KSR1: variants seen among roughly 807,000 people sequenced by gnomAD.
The protein encoded by KSR1 is kinase suppressor of ras 1, also known as kinase suppressor of ras.
A neutral mutation model predicts 92.9 loss-of-function variants in KSR1; 35 were observed. That is an observed-to-expected ratio of 0.38 (90% CI 0.29 to 0.50). KSR1 has a LOEUF of 0.50. Among genes scored for constraint, KSR1 ranks in the 20% least tolerant of loss-of-function variants. KSR1 has a pLI of 0.94. For synonymous variants in KSR1, 467 were observed against 472.6 expected (o/e 0.99, Z 0.15); for missense variants, 972 against 1,158.5 (o/e 0.84, Z 2.34).
intron 2 of KSR1, among the ~76,000 whole-genome samples, chr17:27,573,976 G>A (rs111721253): frequency 1.2e-4 from 18 of 152,306 alleles, no homozygotes; most frequent in African/African-American, 4.3e-4. Context: ...ATCCCTATTT[G>A]CATTATAGTT....
rs558637825 is a variant in KSR1, at chr17:27,621,233, C to A, written c.2668C>A (p.His890Asn). ...SRYYGKGRYGHPDFKSSCPIL... is the reference protein window; with the variant it reads ...SRYYGKGRYGNPDFKSSCPIL... ...CTACTATGGAAAAGGACGCTACGGC[C>A]ACCCTGACTTTAAGAGCTCCTGTCC... Residue 890 changes from histidine to asparagine, a missense_variant, in exon 20 of 21, where the codon CAC (histidine) becomes AAC (asparagine). Physicochemically the swap from His to Asn is moderately conservative, Grantham distance 68. Transcript: ENST00000644974. The A allele has an allele frequency of 2.5e-6, 1 of 398,672 alleles. No individual in the cohort carries two copies. Among genetic ancestry groups the A allele is most frequent in the Admixed American group, 4.4e-5 (1 of 22,734 alleles). The allele number at this position is 398,672 out of a possible 1,614,324, so 24.7% of individuals were successfully genotyped here.
chr17:27,566,840 G>A (rs115053344), intron 2 of KSR1, among the ~76,000 whole-genome samples: 51 of 152,318 alleles, frequency 3.3e-4, no homozygotes, highest in African/African-American at 1.2e-3. Flanking sequence ...TTTTGAGTAG[G>A]ACACACACTT....
Position 27,623,298 on chromosome 17 carries a change from T to C in KSR1, c.2709-16T>C, listed in dbSNP as rs757172651. The stretch of plus-strand genomic sequence containing the variant: ...ATCAATGGGGCTATAATTCTTGTTT[T>C]TGTTCCTCTTTGCAGCATTAACAGC... On this transcript the variant is annotated splice_polypyrimidine_tract_variant and intron_variant, in intron 20 of 20. Transcript: ENST00000644974. 2.6e-6 allele frequency: 2 copies of C among 763,070 alleles called. No individual in the cohort carries two copies. The highest frequency in any genetic ancestry group is 1.7e-5 in the African/African-American group (1 of 59,134). The allele number at this position is 763,070 out of a possible 1,614,324, so 47.3% of individuals were successfully genotyped here.
At chr17:27,475,160 G>A (rs2068302248) in intron 1 of KSR1, among the ~76,000 whole-genome samples, 1 of 152,170 alleles carries the variant, frequency 6.6e-6, no homozygotes, top group African/African-American at 2.4e-5. Context: ...AGTGAACCAG[G>A]GTTGTTGGAA....
chr17:27,560,601 A>C, intron 2 of KSR1: 1 of 476,564 alleles, frequency 2.1e-6, no homozygotes, highest in Non-Finnish European at 4.2e-6. Flanking sequence ...TTGGTTTCCC[A>C]GTGGCTGGGG....
rs2073058507 is a variant in KSR1, at chr17:27,588,608, T to C, written c.1046+73T>C. On this transcript the variant is annotated intron_variant, in intron 6 of 20. Coordinates refer to ENST00000644974, the MANE Select transcript of KSR1 (RefSeq NM_001394583.1). Reference sequence around the variant, plus strand: ...ACCCAGATGGGGCCAGGAGTTCTGGTCACTGTTTCTCAGCGAGCTCTTTGC... The same window carrying C: ...ACCCAGATGGGGCCAGGAGTTCTGGCCACTGTTTCTCAGCGAGCTCTTTGC... The C allele has an allele frequency of 4.5e-6, 6 of 1,338,968 alleles. No homozygotes were observed. The South Asian group carries it at 7.2e-5, about 16-fold the overall frequency. The allele number at this position is 1,338,968 out of a possible 1,614,324, so 82.9% of individuals were successfully genotyped here.
At chr17:27,600,155 C>T (rs2073503109) in intron 10 of KSR1, among the ~76,000 whole-genome samples, 1 of 129,898 alleles carries the variant, frequency 7.7e-6, no homozygotes, top group Non-Finnish European at 1.5e-5. Flanking sequence ...GATTAAAAGA[C>T]TGGATGTGGT....
At chr17:27,495,783 A>T (rs537780856) in intron 1 of KSR1, among the ~76,000 whole-genome samples, 2 of 152,270 alleles carry the variant, frequency 1.3e-5, no homozygotes, top group South Asian at 4.2e-4. Flanking sequence ...AGTTCAGTTT[A>T]CTTGTAGCTG....
At chr17:27,554,204 TGCAGTTTTTTGA>T (rs2071506194) in intron 2 of KSR1, among the ~76,000 whole-genome samples, 1 of 152,222 alleles carries the variant, frequency 6.6e-6, no homozygotes, top group African/African-American at 2.4e-5. Flanking sequence ...TGCCAGAGGT[TGCAGTTTTTTGA>T]ATTTTTGCGG....
intron 1 of KSR1, chr17:27,465,338 T>C (rs1333856412): frequency 6.6e-6 from 1 of 152,196 alleles, no homozygotes; most frequent in Admixed American, 6.5e-5. Flanking sequence ...GCCATTTTTC[T>C]TCCCCTTCCA....
intron 7 of KSR1, among the ~76,000 whole-genome samples, chr17:27,591,444 G>A (rs1405555810): frequency 2.0e-5 from 3 of 152,212 alleles, no homozygotes; most frequent in African/African-American, 7.2e-5. Context: ...GAGGCTCGGT[G>A]CCCAGCCCAC....
intron 2 of KSR1, among the ~76,000 whole-genome samples, chr17:27,574,268 A>G (rs1453381294): frequency 6.6e-6 from 1 of 152,238 alleles, no homozygotes; most frequent in African/African-American, 2.4e-5. Context: ...AGGGAAAGAA[A>G]GCAAGACATG....
At chr17:27,514,305 C>T (rs1302511562) in intron 1 of KSR1, among the ~76,000 whole-genome samples, 2 of 152,172 alleles carry the variant, frequency 1.3e-5, no homozygotes, top group African/African-American at 2.4e-5. Context: ...TATTTATCAC[C>T]GGGGAATTAT....
chr17:27,526,880 C>T (rs2070325385), intron 1 of KSR1: 1 of 654,742 alleles, frequency 1.5e-6, no homozygotes, highest in East Asian at 2.6e-5. Flanking sequence ...GCTGCTCCAG[C>T]AGCATGCTGG....
intron 18 of KSR1, among the ~76,000 whole-genome samples, chr17:27,613,850 C>A (rs1409762949): frequency 6.6e-6 from 1 of 152,240 alleles, no homozygotes; most frequent in Admixed American, 6.5e-5. Context: ...GTCGCCCAGG[C>A]TGAAGTGCAG....
rs183937116 is a variant in KSR1 at position 27,500,774 on chromosome 17, C to T, written c.231+43900C>T. On this transcript the variant is annotated intron_variant, in intron 1 of 20. Coordinates refer to ENST00000644974, the MANE Select transcript of KSR1 (RefSeq NM_001394583.1). ...TTTGTGGAGGAAGGATGGCACTCAC[C>T]ACCTTCAGGGATTGGGGCCCTCTGC... Among the ~76,000 whole-genome samples the T allele has an allele frequency of 1.5e-3, 225 of 152,208 alleles. 2 individuals carry two copies. Among genetic ancestry groups the T allele is most frequent in the African/African-American group, 4.9e-3 (204 of 41,520 alleles).
intron 1 of KSR1, among the ~76,000 whole-genome samples, chr17:27,516,217 A>G (rs1400000661): frequency 6.6e-6 from 1 of 152,210 alleles, no homozygotes; most frequent in Non-Finnish European, 1.5e-5. Context: ...AGCAATCGTA[A>G]TGATTGCCTT....
intron 1 of KSR1, among the ~76,000 whole-genome samples, chr17:27,490,219 A>G (rs2068780771): frequency 6.6e-6 from 1 of 152,254 alleles, no homozygotes; most frequent in Non-Finnish European, 1.5e-5. Flanking sequence ...TATCCTTAAA[A>G]AGTTAAGCAT....
rs56367532 is a variant in KSR1, at chr17:27,550,696, G to A, written c.360G>A (p.Pro120=). 3,980 of 763,220 alleles carry A rather than the reference G, an allele frequency of 5.2e-3. 26 individuals are homozygous for A. Among genetic ancestry groups the A allele is most frequent in the Non-Finnish European group, 6.1e-3 (2,565 of 417,562 alleles). The allele number at this position is 763,220 out of a possible 1,614,324, so 47.3% of individuals were successfully genotyped here. Residue 120 remains proline, a synonymous_variant, in exon 2 of 21, where the codon CCG becomes CCA. Transcript: ENST00000644974. ...GGCTGTACACTTTCAACGTGAGGCC[G>A]GAGGTGGTGCAGGTATGCAAGCTGG... ...SDWLYTFNVR[P]EVVQEIPRDL... is the part of the protein sequence containing the mutation.
Sources: gnomAD v4.1 joint callset for allele counts (sites outside exome capture counted in the v4.1 genomes callset) on GRCh38, gnomAD v4.1.1 for gene constraint, MANE v1.5 for transcripts, NCBI Gene and HGNC (gene_info 2026-07-23, HGNC 2026-07-21) for gene names.